NPAS3: variants seen among roughly 807,000 people sequenced by gnomAD.
NPAS3 encodes neuronal PAS domain-containing protein 3.
In NPAS3, 14 loss-of-function variants were observed where a neutral mutation model predicts 73.1. That is an observed-to-expected ratio of 0.19 (90% CI 0.13 to 0.30). The LOEUF is 0.30. NPAS3 is among the 10% of genes least tolerant of loss of function. The pLI is 1.00. For missense variants in NPAS3, 1,096 were observed against 1,250.0 expected, an observed-to-expected ratio of 0.88 and a Z score of 1.86; for synonymous variants, 620 against 541.5, an observed-to-expected ratio of 1.14 and a Z score of -2.01.
chr14:33,095,657 C>CTTTTTTTTTTTTTTTT lies in NPAS3; in HGVS notation c.140+39667_140+39668insTTTTTTTTTTTTTTTT, dbSNP rs201283993. On this transcript the variant is annotated intron_variant, in intron 2 of 11. Coordinates refer to ENST00000356141, the Ensembl canonical transcript of NPAS3. ...TACACAAAGGCGTGGGCATTCTCTG[C>CTTTTTTTTTTTTTTTT]TTTTATTTTTTTATTTTTTTTTTTT... Among the ~76,000 whole-genome samples the CTTTTTTTTTTTTTTTT allele has an allele frequency of 1.7e-4, 17 of 97,678 alleles. 4 individuals carry two copies. Among genetic ancestry groups the CTTTTTTTTTTTTTTTT allele is most frequent in the African/African-American group, 3.1e-4 (7 of 22,314 alleles). The allele number at this position is 97,678 out of a possible 152,430, so 64.1% of individuals were successfully genotyped here.
chr14:32,954,575 C>G (rs1297590493), intron 1 of NPAS3, among the ~76,000 whole-genome samples: 1 of 152,064 alleles, frequency 6.6e-6, no homozygotes, highest in Non-Finnish European at 1.5e-5. Context: ...ATTCTTTCTT[C>G]TGGGGCCCCT....
rs570796001 is a variant in NPAS3, at chr14:33,162,610, T to C, written c.141-52572T>C. ...GTTTGTGACTTGACTGTCCAATGACTGTAATTTCTTACTCTCTCTCCAAAG... is the reference window on the plus strand; with the variant it reads ...GTTTGTGACTTGACTGTCCAATGACCGTAATTTCTTACTCTCTCTCCAAAG... On this transcript the variant is annotated intron_variant, in intron 2 of 11. Transcript: ENST00000356141. Among the ~76,000 whole-genome samples, 5 of 152,322 alleles carry C rather than the reference T, an allele frequency of 3.3e-5. 1 individual carries two copies. The South Asian group carries it at 1.0e-3, about 32-fold the overall frequency.
At position 33,619,008 on chromosome 14, in the gene NPAS3, A is replaced by G. The variant is rs1228643298; in HGVS notation, c.559-57203A>G. 9.9e-5 allele frequency among the ~76,000 whole-genome samples: 15 copies of G among 152,226 alleles called. No homozygotes were observed. The South Asian group carries it at 2.1e-3, about 21-fold the overall frequency. ...TGGATTTCTTGTTCTTTGAAAATTA[A>G]GTAGTATCTGAAACCTTTAAGAGTA... is the stretch of plus-strand genomic sequence containing the variant. On this transcript the variant is annotated intron_variant, in intron 5 of 11. Transcript: ENST00000356141.
At chr14:33,269,941 C>G (rs2040993644) in intron 3 of NPAS3, among the ~76,000 whole-genome samples, 1 of 152,078 alleles carries the variant, frequency 6.6e-6, no homozygotes, top group South Asian at 2.1e-4. Context: ...GTCTGATTCT[C>G]TGGAAGCAGA....
intron 4 of NPAS3, among the ~76,000 whole-genome samples, chr14:33,373,997 C>G (rs1298805081): frequency 6.6e-6 from 1 of 152,054 alleles, no homozygotes; most frequent in Non-Finnish European, 1.5e-5. Context: ...AGTAAAATAA[C>G]CCTCTTGTTC....
intron 4 of NPAS3, among the ~76,000 whole-genome samples, chr14:33,500,457 A>G (rs1406281341): frequency 1.3e-5 from 2 of 151,890 alleles, no homozygotes; most frequent in Non-Finnish European, 2.9e-5. Flanking sequence ...GAAGGCTGCT[A>G]CAGATGAATC....
intron 2 of NPAS3, among the ~76,000 whole-genome samples, chr14:33,090,412 T>C (rs954296172): frequency 2.6e-5 from 4 of 152,150 alleles, no homozygotes; most frequent in Non-Finnish European, 5.9e-5. Context: ...GGCCATTACA[T>C]AATGGTAAAG....
chr14:33,363,257 G>C (rs926208725), intron 3 of NPAS3, among the ~76,000 whole-genome samples: 16 of 152,108 alleles, frequency 1.1e-4, no homozygotes, highest in African/African-American at 3.4e-4. Flanking sequence ...CCCAAAGAAG[G>C]GTTGCCTTTT....
chr14:32,965,815 G>T lies in NPAS3; in HGVS notation c.50+26449G>T, dbSNP rs1466021800. 3.3e-5 allele frequency among the ~76,000 whole-genome samples: 5 copies of T among 152,254 alleles called. No homozygotes were observed. The South Asian group carries it at 1.0e-3, about 32-fold the overall frequency. ...GATCTTGTATATAGAAAACTCTACA[G>T]ACGCCATTTAAAAATAGCTGTTGGG... On this transcript the variant is annotated intron_variant, in intron 1 of 11. Coordinates refer to ENST00000356141, the Ensembl canonical transcript of NPAS3.
intron 2 of NPAS3, among the ~76,000 whole-genome samples, chr14:33,165,705 C>CT (rs369772305): frequency 1.6e-3 from 235 of 146,372 alleles, no homozygotes; most frequent in African/African-American, 3.6e-3. Flanking sequence ...TACTTCCTCT[C>CT]TTTTTTTTTT....
At chr14:33,213,520 T>A (rs2047112686) in intron 2 of NPAS3, among the ~76,000 whole-genome samples, 1 of 152,216 alleles carries the variant, frequency 6.6e-6, no homozygotes, top group South Asian at 2.1e-4. Context: ...AAGACATCTC[T>A]CACTTATGTA....
At chr14:33,098,374 C>G (rs576494289) in intron 2 of NPAS3, among the ~76,000 whole-genome samples, 1 of 152,226 alleles carries the variant, frequency 6.6e-6, no homozygotes, top group East Asian at 1.9e-4. Context: ...AGGCATTTAA[C>G]TGATTCAAAG....
intron 6 of NPAS3, among the ~76,000 whole-genome samples, chr14:33,724,407 G>T (rs117242602): frequency 0.063 from 9,621 of 152,206 alleles, 383 homozygotes; most frequent in South Asian, 0.2. Context: ...ACCAAGGCAG[G>T]TGGATCCCTT....
chr14:33,324,319 A>C (rs537569505), intron 3 of NPAS3, among the ~76,000 whole-genome samples: 1 of 152,354 alleles, frequency 6.6e-6, no homozygotes, highest in African/African-American at 2.4e-5. Flanking sequence ...CTGCAGATTT[A>C]AAATGACAGT....
intron 3 of NPAS3, among the ~76,000 whole-genome samples, chr14:33,246,546 A>G (rs1311896102): frequency 6.6e-6 from 1 of 150,960 alleles, no homozygotes; most frequent in African/African-American, 2.4e-5. Flanking sequence ...TCAAAAAAAA[A>G]AAAAAAAAAA....
At chr14:33,350,318 A>G (rs1393536094) in intron 3 of NPAS3, among the ~76,000 whole-genome samples, 3 of 152,238 alleles carry the variant, frequency 2.0e-5, no homozygotes, top group Non-Finnish European at 4.4e-5. Context: ...TTGATAAAAT[A>G]TGGATGTGTA....
rs1464389608 is a variant in NPAS3, at chr14:33,533,658, T to TA, written c.469-26461dup. Among the ~76,000 whole-genome samples the TA allele has an allele frequency of 8.5e-5, 13 of 152,284 alleles. No homozygotes were observed. The East Asian group carries it at 2.3e-3, about 27-fold the overall frequency. On this transcript the variant is annotated intron_variant, in intron 4 of 11. Coordinates refer to ENST00000356141, the Ensembl canonical transcript of NPAS3. ...AGTGAATCCATTGTGGCATTGCTTC[T>TA]AATTGCCTCAAATTTTGAAACCATG...
chr14:32,987,098 T>C (rs1289256170), intron 1 of NPAS3, among the ~76,000 whole-genome samples: 1 of 152,052 alleles, frequency 6.6e-6, no homozygotes, highest in East Asian at 1.9e-4. Flanking sequence ...CTGTGACACA[T>C]TACCATAGAG....
intron 4 of NPAS3, among the ~76,000 whole-genome samples, chr14:33,399,156 C>T (rs2047344890): frequency 6.6e-6 from 1 of 152,046 alleles, no homozygotes; most frequent in African/African-American, 2.4e-5. Context: ...AGCTGGGTTG[C>T]TTCTAATGAT....
Sources: allele counts gnomAD v4.1 joint callset (sites outside exome capture counted in the v4.1 genomes callset), GRCh38; gene constraint gnomAD v4.1.1; transcripts MANE v1.5; gene names NCBI Gene and HGNC (gene_info 2026-07-23, HGNC 2026-07-21).